Variants in CCM2 observed in about 807,000 individuals in gnomAD.
The protein encoded by CCM2 is cerebral cavernous malformations 2 protein.
A neutral mutation model predicts 44.9 loss-of-function variants in CCM2; 25 were observed. The ratio of observed to expected loss-of-function variants is 0.56; its 90% CI spans 0.41 to 0.78. CCM2 has a LOEUF of 0.78. Ranked by LOEUF, CCM2 falls within the 30% of genes least tolerant of loss-of-function variation. CCM2 has a pLI of 0.00. For missense variants in CCM2, 481 were observed against 580.6 expected (o/e 0.83, Z 1.76); for synonymous variants, 219 against 241.1 (o/e 0.91, Z 0.85).
At chr7:45,032,567 T>A (rs912342960) in intron 1 of CCM2, among the ~76,000 whole-genome samples, 3 of 152,200 alleles carry the variant, frequency 2.0e-5, no homozygotes, top group African/African-American at 7.2e-5. Context: ...TTAATTTCAG[T>A]TACTTTACTC....
At chr7:45,013,005 T>C (rs753224871) in intron 1 of CCM2, among the ~76,000 whole-genome samples, 27 of 152,206 alleles carry the variant, frequency 1.8e-4, no homozygotes, top group Non-Finnish European at 3.7e-4. Context: ...ATAATTGATG[T>C]CATTATGTTT....
intron 7 of CCM2, chr7:45,073,127 A>G: frequency 1.7e-6 from 1 of 576,530 alleles, no homozygotes. Context: ...GGGGCTCTGT[A>G]GTAGTTCACC....
At chr7:45,047,513 G>T (rs1181337161) in intron 2 of CCM2, among the ~76,000 whole-genome samples, 1 of 152,172 alleles carries the variant, frequency 6.6e-6, no homozygotes. Context: ...CTCCATCCTG[G>T]ATGACAGTGA....
intron 1 of CCM2, among the ~76,000 whole-genome samples, chr7:45,021,578 A>T (rs1369215259): frequency 2.6e-5 from 4 of 151,712 alleles, no homozygotes; most frequent in African/African-American, 4.8e-5. Flanking sequence ...AAAAAAAATA[A>T]AATAAAATAA....
In CCM2 at chr7:45,072,718, C is replaced by A; in HGVS notation, c.746-8C>A. On this transcript the variant is annotated splice_region_variant and splice_polypyrimidine_tract_variant and intron_variant, in intron 6 of 9. Transcript: ENST00000258781. ...AAGTCATCTTAGTTTTCTGCATCTT[C>A]CTTACAGATGACTCTTCTACAAAAG... is the stretch of plus-strand genomic sequence containing the variant. The A allele has an allele frequency of 1.9e-6, 3 of 1,610,696 alleles. No homozygotes were observed. Among genetic ancestry groups the A allele is most frequent in the Non-Finnish European group, 2.5e-6 (3 of 1,177,406 alleles).
At chr7:45,071,155 T>C (rs1799051496) in intron 6 of CCM2, 2 of 152,310 alleles carry the variant, frequency 1.3e-5, no homozygotes, top group Admixed American at 6.5e-5. Flanking sequence ...AAGTGGAGGC[T>C]TAGAAGTCAA....
Position 45,064,501 on chromosome 7 carries a change from C to A in CCM2, c.327C>A (p.His109Gln). 1.2e-6 allele frequency: 2 copies of A among 1,613,716 alleles called. No homozygotes were observed. Among genetic ancestry groups the A allele is most frequent in the Non-Finnish European group, 1.7e-6 (2 of 1,179,894 alleles). ...TTCCGGGACACTTGACTCAGGAGCA[C>A]GATGCTGTGCTCAGCCTGTCTGCGT... Reference protein sequence around the residue: ...HQLPGHLTQEHDAVLSLSAYN... With the variant: ...HQLPGHLTQEQDAVLSLSAYN... Residue 109 changes from histidine to glutamine, a missense_variant, in exon 4 of 10, where the codon CAC becomes CAA. Physicochemically the swap from His to Gln is conservative, Grantham distance 24. Transcript: ENST00000258781.
chr7:45,002,963 G>A (rs1485565199), intron 1 of CCM2, among the ~76,000 whole-genome samples: 1 of 152,180 alleles, frequency 6.6e-6, no homozygotes, highest in African/African-American at 2.4e-5. Flanking sequence ...CTGCTCTTCT[G>A]TCCTGATGTC....
chr7:45,012,699 T>A (rs1796114880), intron 1 of CCM2, among the ~76,000 whole-genome samples: 1 of 151,526 alleles, frequency 6.6e-6, no homozygotes, highest in Admixed American at 6.6e-5. Flanking sequence ...GGAGTACAGG[T>A]GTGCGCCACC....
chr7:45,056,165 C>G (rs1170244103), intron 2 of CCM2, among the ~76,000 whole-genome samples: 1 of 152,082 alleles, frequency 6.6e-6, no homozygotes, highest in Admixed American at 6.5e-5. Flanking sequence ...AATGTCTTTT[C>G]AAGCCCCTGC....
At chr7:45,069,647 TG>T (rs1023429314) in intron 5 of CCM2, among the ~76,000 whole-genome samples, 178 bp from the exon 6 acceptor site, 71 of 152,252 alleles carry the variant, frequency 4.7e-4, no homozygotes, top group African/African-American at 1.6e-3. Flanking sequence ...CTGGGGCAGT[TG>T]GCTGGGTCTC....
chr7:45,037,318 T>C (rs1016954342), intron 1 of CCM2, among the ~76,000 whole-genome samples: 1 of 152,012 alleles, frequency 6.6e-6, no homozygotes, highest in African/African-American at 2.4e-5. Context: ...GTGACTTTGA[T>C]TGCAGGATTA....
intron 1 of CCM2, among the ~76,000 whole-genome samples, chr7:45,021,610 G>A (rs1796485305): frequency 6.6e-6 from 1 of 151,874 alleles, no homozygotes; most frequent in Admixed American, 6.6e-5. Context: ...ATAAAACTAT[G>A]CATCAAGCAC....
chr7:45,064,028 ACTAGC>A (rs1798648200), intron 3 of CCM2, 27 bp downstream of exon 3: 1 of 1,530,124 alleles, frequency 6.5e-7, no homozygotes, highest in Admixed American at 1.7e-5. Context: ...AACCCTGTGC[ACTAGC>A]CCTCAGCCCC....
intron 1 of CCM2, among the ~76,000 whole-genome samples, chr7:45,006,190 C>T (rs1185272045): frequency 6.6e-6 from 1 of 152,132 alleles, no homozygotes; most frequent in African/African-American, 2.4e-5. Context: ...CCCCTGTGCC[C>T]ATGTGTGGGC....
chr7:45,001,522 T>G (rs1053260001), intron 1 of CCM2, among the ~76,000 whole-genome samples: 16 of 152,184 alleles, frequency 1.1e-4, no homozygotes, highest in African/African-American at 3.9e-4. Flanking sequence ...GGTGGCTGCT[T>G]AGTAGGGACC....
intron 1 of CCM2, among the ~76,000 whole-genome samples, chr7:45,030,548 A>G (rs1796915678): frequency 6.6e-6 from 1 of 151,940 alleles, no homozygotes; most frequent in Admixed American, 6.6e-5. Flanking sequence ...TGATCCTCCC[A>G]CCTCAGCCTC....
rs1191782662 is a variant in CCM2, at chr7:45,069,891, C to T, written c.675C>T (p.Thr225=). ...TCCAGGTTGTTTACACGGAGTCCAC[C>T]ATCGACTTTCTGGACAGAGCGATAT... The part of the protein sequence containing the change: ...QVFQVVYTES[T]IDFLDRAIFD... Residue 225 remains threonine (T), a synonymous_variant, in exon 6 of 10, where the codon ACC becomes ACT. Coordinates refer to ENST00000258781, the MANE Select transcript of CCM2 (RefSeq NM_031443.4). 2 of 1,614,172 alleles carry T rather than the reference C, an allele frequency of 1.2e-6. No individual in the cohort carries two copies. The highest frequency in any genetic ancestry group is 8.5e-7 in the Non-Finnish European group (1 of 1,180,030).
chr7:45,057,773 C>G (rs987843309), intron 2 of CCM2, among the ~76,000 whole-genome samples: 2 of 152,188 alleles, frequency 1.3e-5, no homozygotes, highest in East Asian at 3.8e-4. Flanking sequence ...GTCTTACCAG[C>G]ACTATAGAGA....
Sources: allele counts gnomAD v4.1 joint callset (sites outside exome capture counted in the v4.1 genomes callset), GRCh38; gene constraint gnomAD v4.1.1; transcripts MANE v1.5; gene names NCBI Gene and HGNC (gene_info 2026-07-23, HGNC 2026-07-21).